The following PCDHGA1 variants were observed in gnomAD, a reference collection of about 807,000 sequenced individuals.
PCDHGA1 encodes protocadherin gamma-A1.
PCDHGA1 carries 32 observed loss-of-function variants against 58.0 expected under a neutral mutation model. That is an observed-to-expected ratio of 0.55 (90% CI 0.42 to 0.74). The LOEUF is 0.74. Among genes scored for constraint, PCDHGA1 ranks in the 30% least tolerant of loss-of-function variants. The pLI is 0.00. For synonymous variants in PCDHGA1, 498 were observed against 501.1 expected, an observed-to-expected ratio of 0.99 and a Z score of 0.08; for missense variants, 1,205 against 1,182.3, an observed-to-expected ratio of 1.02 and a Z score of -0.28.
intron 1 of PCDHGA1, among the ~76,000 whole-genome samples, chr5:141,446,571 G>C (rs1460375061): frequency 2.0e-5 from 3 of 152,058 alleles, no homozygotes; most frequent in African/African-American, 7.2e-5. Flanking sequence ...CTGCCTCCCA[G>C]GTTCAAGTGA....
At chr5:141,410,722 ATCC>A (rs2154543211) in intron 1 of PCDHGA1, 21 of 1,396,054 alleles carry the variant, frequency 1.5e-5, no homozygotes, top group Non-Finnish European at 2.0e-5. Context: ...TATGTTTAAA[ATCC>A]ATAGCTTTTT....
intron 1 of PCDHGA1, chr5:141,419,630 G>A (rs1484627772): frequency 6.2e-7 from 1 of 1,612,430 alleles, no homozygotes; most frequent in South Asian, 1.1e-5. Context: ...GGTGACCAAG[G>A]TGGTGGCCGT....
At chr5:141,352,801 C>T (rs1759112058) in intron 1 of PCDHGA1, 1 of 912,248 alleles carries the variant, frequency 1.1e-6, no homozygotes, top group Non-Finnish European at 1.6e-6. Flanking sequence ...ACCAGCATAG[C>T]CAAGATGGTA....
intron 1 of PCDHGA1, chr5:141,409,865 C>A: frequency 6.2e-7 from 1 of 1,612,574 alleles, no homozygotes; most frequent in Non-Finnish European, 8.5e-7. Flanking sequence ...GGTGGGAGAC[C>A]GCAATGACAA....
chr5:141,408,378 T>C lies in PCDHGA1; in HGVS notation c.2421+75273T>C, dbSNP rs1369625426. 28 of 1,613,884 alleles carry C rather than the reference T, an allele frequency of 1.7e-5. No homozygotes were observed. The South Asian group carries it at 3.0e-4, about 17-fold the overall frequency. The stretch of plus-strand genomic sequence containing the variant: ...GCTAAGGATCTAGGGCTCAGTGTCC[T>C]GGATGTGTCGGCTCGCAAGCTGCGA... On this transcript the variant is annotated intron_variant, in intron 1 of 3. Transcript: ENST00000517417.
chr5:141,505,960 G>A (rs2099849410), intron 3 of PCDHGA1, among the ~76,000 whole-genome samples: 1 of 152,202 alleles, frequency 6.6e-6, no homozygotes, highest in Non-Finnish European at 1.5e-5. Context: ...AGTGGGTGTA[G>A]AAATCCCCAG....
intron 1 of PCDHGA1, chr5:141,400,388 A>C: frequency 1.9e-6 from 3 of 1,614,066 alleles, no homozygotes; most frequent in Non-Finnish European, 2.5e-6. Context: ...TGTGTTGCAC[A>C]TACAGGAAAG....
At chr5:141,464,556 G>A (rs1158827360) in intron 1 of PCDHGA1, among the ~76,000 whole-genome samples, 4 of 151,990 alleles carry the variant, frequency 2.6e-5, no homozygotes, top group Admixed American at 6.6e-5. Flanking sequence ...TCCCCATCTT[G>A]CATTCCTACA....
chr5:141,471,925 G>A (rs1371923375), intron 1 of PCDHGA1, among the ~76,000 whole-genome samples: 1 of 152,076 alleles, frequency 6.6e-6, no homozygotes, highest in Non-Finnish European at 1.5e-5. Flanking sequence ...AAATTTTGGG[G>A]GTGATGAGAG....
intron 1 of PCDHGA1, among the ~76,000 whole-genome samples, chr5:141,451,107 C>G (rs768308463): frequency 1.2e-4 from 18 of 152,118 alleles, no homozygotes; most frequent in Non-Finnish European, 2.4e-4. Context: ...GGATTACAGG[C>G]GTGAGCCACC....
At chr5:141,427,940 C>T (rs1391166364) in intron 1 of PCDHGA1, 1 of 1,585,904 alleles carries the variant, frequency 6.3e-7, no homozygotes. Context: ...TGGTGGGCGA[C>T]CTCAATGACA....
chr5:141,357,659 T>C (rs183766353), intron 1 of PCDHGA1: 1 of 1,605,624 alleles, frequency 6.2e-7, no homozygotes, highest in Non-Finnish European at 8.5e-7. Flanking sequence ...CACACTGAAA[T>C]ATAGACAAAG....
chr5:141,420,683 G>A (rs1308504595), intron 1 of PCDHGA1, among the ~76,000 whole-genome samples: 1 of 152,190 alleles, frequency 6.6e-6, no homozygotes, highest in Non-Finnish European at 1.5e-5. Context: ...ATTTTATCGG[G>A]ACCGTATTAT....
chr5:141,340,600 T>A lies in PCDHGA1; in HGVS notation c.2421+7495T>A, dbSNP rs141947870. The A allele has an allele frequency of 2.5e-6, 4 of 1,614,140 alleles. No individual in the cohort carries two copies. In the South Asian group the frequency reaches 4.4e-5, roughly 18 times the overall value. ...GGGACAGCGGGAACCCTCCACTCAG[T>A]AGCAATGTATCATTAAGCCTGTTCG... On this transcript the variant is annotated intron_variant, in intron 1 of 3. Coordinates refer to ENST00000517417, the MANE Select transcript of PCDHGA1 (RefSeq NM_018912.3).
intron 1 of PCDHGA1, chr5:141,388,084 G>A (rs2091232719): frequency 7.3e-7 from 1 of 1,364,538 alleles, no homozygotes; most frequent in Admixed American, 2.0e-5. Context: ...CGAAAACTGC[G>A]CGTCAGTTCG....
At chr5:141,415,264 C>G (rs1342050986) in intron 1 of PCDHGA1, 2 of 1,614,210 alleles carry the variant, frequency 1.2e-6, no homozygotes, top group Non-Finnish European at 1.7e-6. Flanking sequence ...CACTCTGTAC[C>G]TGGTGGTAGC....
chr5:141,356,111 TG>T, intron 1 of PCDHGA1: 1 of 1,613,818 alleles, frequency 6.2e-7, no homozygotes. Flanking sequence ...ATAACAATAT[TG>T]GGGGGTCTAG....
chr5:141,395,016 G>GTGCC (rs1354536790), intron 1 of PCDHGA1: 2 of 1,613,950 alleles, frequency 1.2e-6, no homozygotes, highest in Non-Finnish European at 1.7e-6. Flanking sequence ...ATTGGTAGGC[G>GTGCC]TGCCTGCCTC....
rs1269612127 is a variant in PCDHGA1, at chr5:141,352,326, T to C, written c.2421+19221T>C. 5 of 1,614,058 alleles carry C rather than the reference T, an allele frequency of 3.1e-6. No individual in the cohort carries two copies. In the Admixed American group the frequency reaches 5.0e-5, roughly 16 times the overall value. On this transcript the variant is annotated intron_variant, in intron 1 of 3. Transcript: ENST00000517417. ...CAGACGGAACTGCAGTTTTACCTGG[T>C]TGTGGCCTTGGCCTTGATCTCAGTG...
Sources: allele counts gnomAD v4.1 joint callset (sites outside exome capture counted in the v4.1 genomes callset), GRCh38; gene constraint gnomAD v4.1.1; transcripts MANE v1.5; gene names NCBI Gene and HGNC (gene_info 2026-07-23, HGNC 2026-07-21).